Variants in PHLDB2 observed in about 807,000 individuals in gnomAD.
PHLDB2 encodes pleckstrin homology-like domain family B member 2.
Under a neutral mutation model 123.6 loss-of-function variants are expected in PHLDB2, and 71 were observed. That is an observed-to-expected ratio of 0.57 (90% CI 0.47 to 0.70). The LOEUF (loss-of-function observed/expected upper bound fraction) is 0.70, where lower values mean the gene tolerates loss of function less well. PHLDB2 is among the 30% of genes least tolerant of loss of function. PHLDB2 has a pLI of 0.00. For missense variants in PHLDB2, 1,446 were observed against 1,519.5 expected (o/e 0.95, Z 0.80); for synonymous variants, 547 against 541.6 (o/e 1.01, Z -0.14).
chr3:111,845,375 A>C lies in PHLDB2; in HGVS notation c.-48-446A>C, dbSNP rs917867867. 5.9e-4 allele frequency among the ~76,000 whole-genome samples: 89 copies of C among 150,186 alleles called. 1 individual carries two copies. In the East Asian group the frequency reaches 0.015, roughly 25 times the overall value. On this transcript the variant is annotated intron_variant, in intron 1 of 17. Coordinates refer to the PHLDB2 transcript ENST00000393923. Reference sequence around the variant, plus strand: ...GTCTCAAAAAAAAAAAAAAAAAAAAAAAAAAAAAAACTATGGGATTTGTAA... The same window carrying C: ...GTCTCAAAAAAAAAAAAAAAAAAAACAAAAAAAAAACTATGGGATTTGTAA...
intron 2 of PHLDB2, among the ~76,000 whole-genome samples, chr3:111,892,905 G>A (rs952709755): frequency 1.3e-5 from 2 of 152,164 alleles, no homozygotes; most frequent in East Asian, 1.9e-4. Context: ...TCTCTGAAAC[G>A]TGGTCAGATG....
intron 5 of PHLDB2, among the ~76,000 whole-genome samples, chr3:111,928,131 G>A (rs2068912703): frequency 6.6e-6 from 1 of 152,134 alleles, no homozygotes; most frequent in African/African-American, 2.4e-5. Context: ...CTGTCTGTAC[G>A]AATATTGCAT....
At chr3:111,959,832 A>G (rs1222610305) in intron 12 of PHLDB2, among the ~76,000 whole-genome samples, 2 of 152,312 alleles carry the variant, frequency 1.3e-5, no homozygotes, top group Non-Finnish European at 2.9e-5. Flanking sequence ...CTTTTCCAAG[A>G]TGGTGGTAAT....
At chr3:111,783,606 G>A in intron 1 of PHLDB2, among the ~76,000 whole-genome samples, 1 of 152,098 alleles carries the variant, frequency 6.6e-6, no homozygotes, top group East Asian at 1.9e-4. Flanking sequence ...CAAGCACCCA[G>A]GGAGAGAAAC....
intron 1 of PHLDB2, among the ~76,000 whole-genome samples, chr3:111,826,732 G>C (rs11711254): frequency 0.21 from 31,604 of 152,076 alleles, 5,136 homozygotes; most frequent in African/African-American, 0.43. Context: ...TTCTGCCAGG[G>C]GAGGTGTAGT....
chr3:111,873,157 C>T (rs562287351), intron 1 of PHLDB2, among the ~76,000 whole-genome samples: 2 of 152,246 alleles, frequency 1.3e-5, no homozygotes, highest in Non-Finnish European at 2.9e-5. Context: ...AAATATCCTG[C>T]TTGTTGCTTC....
intron 1 of PHLDB2, among the ~76,000 whole-genome samples, chr3:111,769,776 A>G (rs1296611200): frequency 6.6e-6 from 1 of 152,224 alleles, no homozygotes; most frequent in Non-Finnish European, 1.5e-5. Context: ...GTTTCGTTCC[A>G]TCTCTAAACT....
intron 1 of PHLDB2, among the ~76,000 whole-genome samples, chr3:111,823,528 A>G (rs2062504975): frequency 6.6e-6 from 1 of 152,188 alleles, no homozygotes; most frequent in South Asian, 2.1e-4. Flanking sequence ...CAGTGGGTCA[A>G]CGGAGTGGAA....
At chr3:111,767,608 C>T (rs1236740524) in intron 1 of PHLDB2, among the ~76,000 whole-genome samples, 1 of 152,190 alleles carries the variant, frequency 6.6e-6, no homozygotes, top group Non-Finnish European at 1.5e-5. Flanking sequence ...ATGACTTCCA[C>T]ATTTAGCTAT....
intron 13 of PHLDB2, among the ~76,000 whole-genome samples, chr3:111,964,566 T>C (rs2071628152): frequency 6.6e-6 from 1 of 151,912 alleles, no homozygotes; most frequent in African/African-American, 2.4e-5. Context: ...GGTCTTGAAC[T>C]CCTGACCTCA....
upstream of PHLDB2, among the ~76,000 whole-genome samples, chr3:111,855,363 A>G (rs1260955076): frequency 6.6e-6 from 1 of 151,940 alleles, no homozygotes; most frequent in African/African-American, 2.4e-5. Context: ...ACTTTATTAT[A>G]AAGAACCCAG....
intron 13 of PHLDB2, among the ~76,000 whole-genome samples, chr3:111,965,220 G>T (rs1176533757): frequency 6.6e-6 from 1 of 152,188 alleles, no homozygotes; most frequent in Admixed American, 6.5e-5. Context: ...AGAAGATACT[G>T]CCATGTTCTT....
intron 1 of PHLDB2, among the ~76,000 whole-genome samples, chr3:111,829,458 CT>C (rs1482177143): frequency 4.3e-5 from 5 of 115,132 alleles, no homozygotes; most frequent in South Asian, 5.7e-4. Flanking sequence ...TTTTCTTTTT[CT>C]TTTTTTTTGG....
intron 12 of PHLDB2, chr3:111,957,916 ATTGT>A (rs1302761490): frequency 2.0e-5 from 3 of 152,212 alleles, no homozygotes; most frequent in Non-Finnish European, 4.4e-5. Context: ...TGGAAAAAGA[ATTGT>A]TTGATAGATA....
At position 111,903,406 on chromosome 3, in the gene PHLDB2, A is replaced by G. The variant is rs188996136; in HGVS notation, c.1336-9913A>G. Among the ~76,000 whole-genome samples, 121 of 152,292 alleles carry G rather than the reference A, an allele frequency of 7.9e-4. 1 individual carries two copies. Among genetic ancestry groups the G allele is most frequent in the African/African-American group, 2.6e-3 (107 of 41,548 alleles). On this transcript the variant is annotated intron_variant, in intron 2 of 17. Coordinates refer to ENST00000431670, the MANE Select transcript of PHLDB2 (RefSeq NM_001134438.2). ...AAGATGCCTTTCTCCCCAGGTTACT[A>G]TGGCAACTGGGCAGAGCTCTGTTGC...
chr3:111,863,557 G>A (rs1476991847), intron 1 of PHLDB2, among the ~76,000 whole-genome samples: 1 of 152,168 alleles, frequency 6.6e-6, no homozygotes, highest in Non-Finnish European at 1.5e-5. Flanking sequence ...TCAGCATGTA[G>A]AACAAAATAA....
At chr3:111,796,464 C>T (rs1189492373) in intron 1 of PHLDB2, among the ~76,000 whole-genome samples, 1 of 152,184 alleles carries the variant, frequency 6.6e-6, no homozygotes, top group East Asian at 1.9e-4. Flanking sequence ...TCTCCTTAAA[C>T]CAATCTCTGA....
At chr3:111,815,094 T>A (rs1243644410) in intron 1 of PHLDB2, among the ~76,000 whole-genome samples, 5 of 152,194 alleles carry the variant, frequency 3.3e-5, no homozygotes, top group Non-Finnish European at 5.9e-5. Context: ...ATGTAAGATA[T>A]GACGTGCTCC....
rs2107331597 is a variant in PHLDB2 at position 111,884,047 on chromosome 3, G to C, written c.-14-17G>C. ...AATCTTCTTTAAGGCAAAATTTTCT[G>C]TTTTATTTCTTTACAGATTCCAGCA... On this transcript the variant is annotated splice_polypyrimidine_tract_variant and intron_variant, in intron 1 of 17. Coordinates refer to ENST00000431670, the MANE Select transcript of PHLDB2 (RefSeq NM_001134438.2). 1 of 1,583,592 alleles carries C rather than the reference G, an allele frequency of 6.3e-7. No individual in the cohort carries two copies. Among genetic ancestry groups the C allele is most frequent in the Non-Finnish European group, 8.6e-7 (1 of 1,168,600 alleles).
Sources: gnomAD v4.1 joint callset for allele counts (sites outside exome capture counted in the v4.1 genomes callset) on GRCh38, gnomAD v4.1.1 for gene constraint, MANE v1.5 for transcripts, NCBI Gene and HGNC (gene_info 2026-07-23, HGNC 2026-07-21) for gene names.